The following CNKSR2 variants were observed in gnomAD, a reference collection of about 807,000 sequenced individuals.
The protein encoded by CNKSR2 is CNK homolog protein 2.
CNKSR2 carries 14 observed loss-of-function variants against 84.4 expected under a neutral mutation model. That is an observed-to-expected ratio of 0.17 (90% confidence interval 0.11 to 0.26). The LOEUF is 0.26. Ranked by LOEUF, CNKSR2 falls within the 10% of genes least tolerant of loss-of-function variation. The pLI, the probability that CNKSR2 is intolerant of heterozygous loss-of-function variation, is 1.00. For missense variants in CNKSR2, 485 were observed against 771.2 expected (o/e 0.63, Z 4.40); for synonymous variants, 275 against 277.9 (o/e 0.99, Z 0.10).
chrX:21,545,512 C>G (rs1179791876), intron 11 of CNKSR2, among the ~76,000 whole-genome samples: 1 of 112,156 alleles, frequency 8.9e-6, no homozygotes, highest in African/African-American at 3.2e-5. Context: ...CTTAAACATT[C>G]CTGTCTGCCA....
chrX:21,561,356 A>G (rs2092187191), intron 11 of CNKSR2, 115 bp from the exon 12 acceptor site: 2 of 581,836 alleles, frequency 3.4e-6, no homozygotes, highest in East Asian at 3.4e-5. Context: ...AATGCCAACC[A>G]TAATGTTGCA....
chrX:21,494,049 ATGT>A (rs2091468641), intron 6 of CNKSR2: 2 of 111,256 alleles, frequency 1.8e-5, no homozygotes, highest in Non-Finnish European at 3.8e-5. Context: ...AAATTGTACA[ATGT>A]TGTCATGATG....
At chrX:21,495,362 A>G (rs1179975703) in intron 6 of CNKSR2, 3 of 112,205 alleles carry the variant, frequency 2.7e-5, no homozygotes, top group East Asian at 2.8e-4. Context: ...TCCCTGGCAC[A>G]TTGTAACAAG....
chrX:21,608,315 G>A (rs965054847), intron 19 of CNKSR2, among the ~76,000 whole-genome samples: 2 of 111,312 alleles, frequency 1.8e-5, no homozygotes, highest in Admixed American at 1.9e-4. Flanking sequence ...GCTAGAGTAA[G>A]GCTTGTGGCA....
intron 20 of CNKSR2, among the ~76,000 whole-genome samples, chrX:21,628,691 G>A (rs1021450679): frequency 9.0e-6 from 1 of 110,964 alleles, no homozygotes; most frequent in Non-Finnish European, 1.9e-5. Context: ...GACACAGGGC[G>A]CCACACCTGT....
At chrX:21,601,374 ATTATG>A in intron 18 of CNKSR2, 25 bp downstream of exon 18, 1 of 947,929 alleles carries the variant, frequency 1.1e-6, no homozygotes, top group Non-Finnish European at 1.5e-6. Flanking sequence ...TTTTAAAATA[ATTATG>A]TTATACTTTT....
intron 1 of CNKSR2, among the ~76,000 whole-genome samples, chrX:21,416,631 G>A (rs1207554819): frequency 9.0e-6 from 1 of 111,034 alleles, no homozygotes; most frequent in Non-Finnish European, 1.9e-5. Flanking sequence ...GCCTATTCAA[G>A]TTTTGGATTT....
At chrX:21,556,893 A>G (rs1260970727) in intron 11 of CNKSR2, among the ~76,000 whole-genome samples, 7 of 110,612 alleles carry the variant, frequency 6.3e-5, no homozygotes, top group African/African-American at 2.3e-4. Flanking sequence ...CAGCATGTTT[A>G]TATGCTAATG....
At chrX:21,432,495 T>C (rs1428382755) in intron 2 of CNKSR2, 117 bp from the exon 3 acceptor site, 2 of 520,874 alleles carry the variant, frequency 3.8e-6, no homozygotes, top group Admixed American at 3.7e-5. Flanking sequence ...TCCTATCTTA[T>C]TCATTTGTAA....
chrX:21,465,961 G>C (rs1324486315), intron 4 of CNKSR2, among the ~76,000 whole-genome samples: 2 of 111,498 alleles, frequency 1.8e-5, no homozygotes, highest in African/African-American at 6.5e-5. Context: ...TCTGTGGGAG[G>C]ATGTTTCTGT....
intron 1 of CNKSR2, among the ~76,000 whole-genome samples, chrX:21,421,176 G>A (rs2090490443): frequency 9.1e-6 from 1 of 110,000 alleles, no homozygotes; most frequent in Non-Finnish European, 1.9e-5. Context: ...ACAGCAGCAA[G>A]TTCAATGCCT....
At chrX:21,434,022 T>C (rs1459549863) in intron 3 of CNKSR2, among the ~76,000 whole-genome samples, 1 of 111,085 alleles carries the variant, frequency 9.0e-6, no homozygotes, top group Non-Finnish European at 1.9e-5. Context: ...CCAAAAGTTA[T>C]GAATGGTCAG....
intron 1 of CNKSR2, among the ~76,000 whole-genome samples, chrX:21,419,784 G>A (rs2090469371): frequency 8.9e-6 from 1 of 112,350 alleles, no homozygotes; most frequent in African/African-American, 3.2e-5. Context: ...CTGAAGCTGT[G>A]GGTGGAGTGA....
intron 3 of CNKSR2, 29 bp downstream of exon 3, chrX:21,432,843 T>G (rs182207478): frequency 2.3e-5 from 27 of 1,184,294 alleles, no homozygotes; most frequent in Non-Finnish European, 2.7e-5. Flanking sequence ...TTCATAAGTA[T>G]CCTCTCCTCA....
At chrX:21,472,607 G>A (rs2091211522) in intron 5 of CNKSR2, among the ~76,000 whole-genome samples, 1 of 111,481 alleles carries the variant, frequency 9.0e-6, no homozygotes, top group East Asian at 2.8e-4. Flanking sequence ...ATCTGTTGAT[G>A]TAGCCTTTTC....
At chrX:21,590,692 C>A in intron 14 of CNKSR2, 72 bp downstream of exon 14, 2 of 1,057,682 alleles carry the variant, frequency 1.9e-6, no homozygotes, top group Non-Finnish European at 2.6e-6. Context: ...TTCATCCATG[C>A]CCTCTTTCTT....
At chrX:21,639,107 C>T (rs1370591131) in intron 20 of CNKSR2, among the ~76,000 whole-genome samples, 1 of 111,954 alleles carries the variant, frequency 8.9e-6, no homozygotes, top group Non-Finnish European at 1.9e-5. Flanking sequence ...TGAAGTTGTC[C>T]ACTACAAAGG....
chrX:21,402,145 A>C (rs1388771229), intron 1 of CNKSR2, among the ~76,000 whole-genome samples: 1 of 110,820 alleles, frequency 9.0e-6, no homozygotes. Flanking sequence ...AAAGGATAAA[A>C]ACAGGGTTGC....
chrX:21,606,234 G>A (rs950247574), intron 18 of CNKSR2, among the ~76,000 whole-genome samples: 6 of 111,917 alleles, frequency 5.4e-5, no homozygotes, highest in Non-Finnish European at 1.1e-4. Flanking sequence ...AGAGGTGGGA[G>A]TATGGTGTTA....
Sources: gnomAD v4.1 joint callset for allele counts (sites outside exome capture counted in the v4.1 genomes callset) on GRCh38, gnomAD v4.1.1 for gene constraint, MANE v1.5 for transcripts, NCBI Gene and HGNC (gene_info 2026-07-23, HGNC 2026-07-21) for gene names.